Variants in PICALM observed in about 807,000 individuals in gnomAD.
PICALM encodes the protein phosphatidylinositol-binding clathrin assembly protein.
PICALM carries 40 observed loss-of-function variants against 80.5 expected under a neutral mutation model. The ratio of observed to expected loss-of-function variants is 0.50; its 90% CI spans 0.39 to 0.65. The LOEUF (loss-of-function observed/expected upper bound fraction) is 0.65, where lower values mean the gene tolerates loss of function less well. PICALM is among the 30% of genes least tolerant of loss of function. The pLI, the probability that PICALM is intolerant of heterozygous loss-of-function variation, is 0.00. For synonymous variants in PICALM, 288 were observed against 260.3 expected, an observed-to-expected ratio of 1.11 and a Z score of -1.02; for missense variants, 676 against 778.9, an observed-to-expected ratio of 0.87 and a Z score of 1.57.
intron 17 of PICALM, among the ~76,000 whole-genome samples, chr11:85,977,849 G>C (rs1158073624): frequency 1.3e-5 from 2 of 152,142 alleles, no homozygotes; most frequent in Non-Finnish European, 2.9e-5. Context: ...GCAGCAAATG[G>C]CGGAATATTA....
In PICALM at chr11:85,990,385, T is replaced by A; in HGVS notation, c.1273A>T (p.Thr425Ser). The A allele has an allele frequency of 6.2e-7, 1 of 1,605,076 alleles. No homozygotes were observed. ...ASTWGDPFSATVDAVDDAIPS... is the reference protein window; with the variant it reads ...ASTWGDPFSASVDAVDDAIPS... ...ATGGCATCATCAACAGCATCTACAG[T>A]AGCAGAGAAAGGATCTGTGCAGTCC... is the stretch of plus-strand genomic sequence containing the variant. Residue 425 changes from threonine (T) to serine (S), a missense_variant, in exon 13 of 20, where the codon ACT becomes TCT. This residue lies in a region of PICALM where 391 missense variants were observed against 383.6 expected (regional missense o/e 1.02). Transcript: ENST00000393346.
intron 1 of PICALM, among the ~76,000 whole-genome samples, chr11:86,037,259 A>AAAAT (rs1555120028): frequency 9.4e-6 from 1 of 106,034 alleles, no homozygotes; most frequent in African/African-American, 4.0e-5. Context: ...AAAAAAGAAA[A>AAAAT]TTTTTTTTTT....
At chr11:86,059,556 T>C (rs955395696) in intron 1 of PICALM, among the ~76,000 whole-genome samples, 1 of 152,084 alleles carries the variant, frequency 6.6e-6, no homozygotes, top group African/African-American at 2.4e-5. Flanking sequence ...ATCCCAGCAC[T>C]TTGGGAGGCC....
At chr11:85,988,292 A>C (rs2094642503) in intron 13 of PICALM, among the ~76,000 whole-genome samples, 1 of 152,258 alleles carries the variant, frequency 6.6e-6, no homozygotes, top group Non-Finnish European at 1.5e-5. Context: ...TAAAGTAAGA[A>C]GATGATAAGC....
intron 4 of PICALM, among the ~76,000 whole-genome samples, chr11:86,015,747 A>G (rs2095471512): frequency 6.6e-6 from 1 of 152,194 alleles, no homozygotes; most frequent in Non-Finnish European, 1.5e-5. Flanking sequence ...TCATTTTCAA[A>G]TCCTCATTCT....
intron 1 of PICALM, among the ~76,000 whole-genome samples, chr11:86,031,863 C>A (rs552467995): frequency 3.9e-5 from 6 of 152,262 alleles, no homozygotes; most frequent in Non-Finnish European, 8.8e-5. Context: ...GGGTATAATT[C>A]TCTCTCAAGT....
intron 5 of PICALM, among the ~76,000 whole-genome samples, chr11:86,013,618 T>C (rs636355): frequency 0.72 from 108,740 of 152,046 alleles, 39,446 homozygotes; most frequent in African/African-American, 0.86. Flanking sequence ...TGTTATTATA[T>C]AACAAAGTAC....
At chr11:86,059,240 A>G (rs993213772) in intron 1 of PICALM, among the ~76,000 whole-genome samples, 44 of 152,208 alleles carry the variant, frequency 2.9e-4, no homozygotes, top group African/African-American at 1.0e-3. Flanking sequence ...ATCATTCAAT[A>G]TTTACTGAGC....
At chr11:86,001,387 G>GT (rs1451340330) in intron 9 of PICALM, among the ~76,000 whole-genome samples, 1 of 152,176 alleles carries the variant, frequency 6.6e-6, no homozygotes, top group African/African-American at 2.4e-5. Flanking sequence ...CAGAGTAAGT[G>GT]TTTGACTTTG....
chr11:86,005,164 C>T (rs1373278107), intron 8 of PICALM, among the ~76,000 whole-genome samples: 2 of 152,180 alleles, frequency 1.3e-5, no homozygotes, highest in African/African-American at 4.8e-5. Context: ...TGATACACAA[C>T]AGAAGCCAAG....
At chr11:86,050,263 G>GC (rs370179157) in intron 1 of PICALM, among the ~76,000 whole-genome samples, 21 of 146,202 alleles carry the variant, frequency 1.4e-4, no homozygotes, top group Middle Eastern at 3.6e-3. Context: ...GTCACAAAAG[G>GC]CCCCCCCAAA....
chr11:86,065,677 C>T (rs1211943558), intron 1 of PICALM, among the ~76,000 whole-genome samples: 3 of 152,090 alleles, frequency 2.0e-5, no homozygotes, highest in African/African-American at 4.8e-5. Context: ...TAAGATTAAA[C>T]GGAAATCGTG....
At chr11:85,992,142 A>G (rs1364459253) in intron 12 of PICALM, among the ~76,000 whole-genome samples, 1 of 151,972 alleles carries the variant, frequency 6.6e-6, no homozygotes, top group Non-Finnish European at 1.5e-5. Context: ...GCCAACAAGG[A>G]CATTGGTTTT....
chr11:86,022,336 T>C, intron 4 of PICALM, 31 bp downstream of exon 4: 1 of 1,141,032 alleles, frequency 8.8e-7, no homozygotes, highest in Non-Finnish European at 1.3e-6. Flanking sequence ...AAAATTCAAA[T>C]CAATTAGATG....
At chr11:85,974,937 C>A in intron 18 of PICALM, 125 bp from the exon 19 acceptor site, 1 of 694,528 alleles carries the variant, frequency 1.4e-6, no homozygotes, top group Non-Finnish European at 2.6e-6. Context: ...GTAACTTCCT[C>A]TGAATATAAG....
intron 17 of PICALM, 73 bp downstream of exon 17, chr11:85,981,056 T>C: frequency 1.3e-6 from 1 of 773,626 alleles, no homozygotes; most frequent in Non-Finnish European, 2.3e-6. Flanking sequence ...TCTATCACTT[T>C]AAAAACATTT....
chr11:86,005,701 T>A (rs1421502281), intron 8 of PICALM, among the ~76,000 whole-genome samples: 1 of 151,410 alleles, frequency 6.6e-6, no homozygotes, highest in Non-Finnish European at 1.5e-5. Flanking sequence ...CAAAAGCCTA[T>A]CTTTTCTCTC....
intron 6 of PICALM, 43 bp downstream of exon 6, chr11:86,012,238 T>C (rs778843459): frequency 3.7e-6 from 4 of 1,082,682 alleles, no homozygotes; most frequent in Non-Finnish European, 5.6e-6. Flanking sequence ...TTTATCCATA[T>C]GACACAAGAT....
At chr11:85,997,940 G>A (rs1380975182) in intron 11 of PICALM, among the ~76,000 whole-genome samples, 4 of 151,794 alleles carry the variant, frequency 2.6e-5, no homozygotes, top group African/African-American at 9.7e-5. Context: ...ATGCCACCAT[G>A]CTTGGCTAAT....
Sources: gnomAD v4.1 joint callset for allele counts (sites outside exome capture counted in the v4.1 genomes callset) on GRCh38, gnomAD v4.1.1 for gene constraint, gnomAD v4.1.1 regional missense constraint, MANE v1.5 for transcripts, NCBI Gene and HGNC (gene_info 2026-07-23, HGNC 2026-07-21) for gene names.